EML6: variants seen among roughly 807,000 people sequenced by gnomAD.
The protein encoded by EML6 is echinoderm microtubule-associated protein-like 6.
A neutral mutation model predicts 240.1 loss-of-function variants in EML6; 154 were observed. The ratio of observed to expected loss-of-function variants is 0.64; its 90% CI spans 0.56 to 0.73. The LOEUF (loss-of-function observed/expected upper bound fraction) is 0.73. Among genes scored for constraint, EML6 ranks in the 30% least tolerant of loss-of-function variants. The pLI, the probability that EML6 is intolerant of heterozygous loss-of-function variation, is 0.00. For synonymous variants in EML6, 1,148 were observed against 899.0 expected (o/e 1.28, Z -4.95); for missense variants, 2,964 against 2,474.6 (o/e 1.20, Z -4.20).
intron 2 of EML6, among the ~76,000 whole-genome samples, chr2:54,741,604 A>G (rs943208759): frequency 2.0e-5 from 3 of 152,186 alleles, no homozygotes; most frequent in Non-Finnish European, 2.9e-5. Context: ...GAAAAAGCTG[A>G]TTCTAGGCCT....
chr2:54,824,270 C>T (rs1000094944), intron 5 of EML6, among the ~76,000 whole-genome samples: 2 of 152,080 alleles, frequency 1.3e-5, no homozygotes, highest in African/African-American at 4.8e-5. Flanking sequence ...GCTACTTATC[C>T]TGTTTAAATT....
intron 7 of EML6, among the ~76,000 whole-genome samples, chr2:54,841,558 A>T (rs55913435): frequency 2.0e-5 from 3 of 146,694 alleles, no homozygotes; most frequent in African/African-American, 7.6e-5. Context: ...TTGTCCCAGC[A>T]TCCCAGCTGG....
intron 28 of EML6, among the ~76,000 whole-genome samples, chr2:54,947,679 A>G (rs1235866304): frequency 6.6e-6 from 1 of 152,108 alleles, no homozygotes; most frequent in Non-Finnish European, 1.5e-5. Context: ...TCCCCAGCAC[A>G]CTCTAAGCAG....
chr2:54,833,935 A>G (rs903363869), intron 7 of EML6, among the ~76,000 whole-genome samples: 6 of 152,178 alleles, frequency 3.9e-5, no homozygotes, highest in Non-Finnish European at 5.9e-5. Context: ...GTGTCTTTAT[A>G]TATTTTGTTA....
Position 54,895,253 on chromosome 2 carries a change from T to A in EML6, c.2855-20T>A, listed in dbSNP as rs1672701624. ...CAGTTGTTTTTGTTATTGTGTTAAA[T>A]ATACCATCCCCTTCCCCAGGCTTGC... On this transcript the variant is annotated intron_variant, in intron 20 of 41. Transcript: ENST00000356458. The A allele has an allele frequency of 6.4e-7, 1 of 1,551,168 alleles. No individual in the cohort carries two copies. Among genetic ancestry groups the A allele is most frequent in the African/African-American group, 1.4e-5 (1 of 73,124 alleles).
intron 26 of EML6, among the ~76,000 whole-genome samples, chr2:54,926,255 C>T (rs188027396): frequency 6.6e-6 from 1 of 152,342 alleles, no homozygotes; most frequent in East Asian, 1.9e-4. Context: ...GCATCCACCA[C>T]CATGCCCAGC....
Position 54,826,146 on chromosome 2 carries a change from C to A in EML6, c.526-1420C>A, listed in dbSNP as rs556240689. On this transcript the variant is annotated intron_variant, in intron 5 of 41. Coordinates refer to ENST00000356458, the MANE Select transcript of EML6 (RefSeq NM_001039753.4). ...CAAAGATTTCAGTATTTTTTCTAAC[C>A]CCATTGAACCCTTATCTTCAGTGAG... 2.0e-5 allele frequency among the ~76,000 whole-genome samples: 3 copies of A among 152,228 alleles called. No homozygotes were observed. The South Asian group carries it at 6.2e-4, about 32-fold the overall frequency.
At chr2:54,910,914 C>A in intron 24 of EML6, 40 bp from the exon 25 acceptor site, 2 of 1,025,814 alleles carry the variant, frequency 1.9e-6, no homozygotes, top group South Asian at 1.5e-5. Flanking sequence ...GAGATAAAGT[C>A]AGATTTTAAT....
chr2:54,847,580 G>GC lies in EML6; in HGVS notation c.1147dup (p.Leu383ProfsTer31). 1 of 1,552,342 alleles carries GC rather than the reference G, an allele frequency of 6.4e-7. No individual in the cohort carries two copies. Among genetic ancestry groups the GC allele is most frequent in the Non-Finnish European group, 8.7e-7 (1 of 1,147,144 alleles). ...TTTCAGCCCCGACGGATCTCAGCTG[G>GC]CCCTGGGCATGAAGGACGGCTCTTT... is the stretch of plus-strand genomic sequence containing the variant. On this transcript the variant is annotated frameshift_variant, in exon 9 of 42. Coordinates refer to ENST00000356458, the MANE Select transcript of EML6 (RefSeq NM_001039753.4). LOFTEE classifies it high-confidence loss of function.
At chr2:54,752,854 T>A (rs979506781) in intron 2 of EML6, among the ~76,000 whole-genome samples, 22 of 152,200 alleles carry the variant, frequency 1.4e-4, no homozygotes, top group African/African-American at 4.8e-4. Context: ...AGTGGCACGA[T>A]CACGGCTTAC....
rs1044270620 is a variant in EML6 at position 54,826,728 on chromosome 2, T to A, written c.526-838T>A. On this transcript the variant is annotated intron_variant, in intron 5 of 41. Transcript: ENST00000356458. ...ATGGTCTTCTACACAATGGACACAT[T>A]TTATGCAACTAAAACTGAAAAGCCG... Among the ~76,000 whole-genome samples the A allele has an allele frequency of 2.0e-5, 3 of 152,220 alleles. No homozygotes were observed. In the South Asian group the frequency reaches 6.2e-4, roughly 31 times the overall value.
At chr2:54,836,795 C>T (rs1208599240) in intron 7 of EML6, among the ~76,000 whole-genome samples, 1 of 152,204 alleles carries the variant, frequency 6.6e-6, no homozygotes, top group Non-Finnish European at 1.5e-5. Context: ...CCCCACACTT[C>T]TGTTTTGCAC....
chr2:54,817,326 C>T (rs896963966), intron 4 of EML6, among the ~76,000 whole-genome samples: 4 of 152,200 alleles, frequency 2.6e-5, no homozygotes, highest in Non-Finnish European at 5.9e-5. Context: ...GACCTGCTTA[C>T]TCCTGTTGAA....
chr2:54,916,435 G>A (rs1673912541), intron 25 of EML6, among the ~76,000 whole-genome samples: 1 of 152,094 alleles, frequency 6.6e-6, no homozygotes, highest in Non-Finnish European at 1.5e-5. Flanking sequence ...CTGGCGTTGG[G>A]GAATCTGGAT....
chr2:54,867,565 G>C (rs560464880), intron 14 of EML6: 1 of 152,200 alleles, frequency 6.6e-6, no homozygotes, highest in Non-Finnish European at 1.5e-5. Flanking sequence ...CCAGGAGTTC[G>C]AGACATGGTG....
chr2:54,808,919 T>C (rs796858063), intron 2 of EML6, among the ~76,000 whole-genome samples: 3 of 152,250 alleles, frequency 2.0e-5, no homozygotes, highest in African/African-American at 7.2e-5. Flanking sequence ...CAGTGCTTTC[T>C]ATTGCTATGG....
chr2:54,916,762 G>A lies in EML6; in HGVS notation c.3502G>A (p.Glu1168Lys), dbSNP rs781705799. The A allele has an allele frequency of 1.8e-5, 27 of 1,485,020 alleles. No individual in the cohort carries two copies. The highest frequency in any genetic ancestry group is 7.5e-5 in the East Asian group (3 of 39,930). The allele number at this position is 1,485,020 out of a possible 1,614,324, so 92.0% of individuals were successfully genotyped here. The change falls in exon 26 of 42, where the codon GAG becomes AAG. Residue 1168 changes from glutamate (E) to lysine (K), a missense_variant. By Grantham distance (56) the Glu-to-Lys change is moderately conservative. Coordinates refer to ENST00000356458, the MANE Select transcript of EML6 (RefSeq NM_001039753.4). ...ATTCTCTTTCGTTCTTTTTCAGATC[G>A]AGAAGATAGAGTGGGACACATGGAC... is the stretch of plus-strand genomic sequence containing the variant. ...KRHIIRPSEI[E>K]KIEWDTWTCV...
intron 11 of EML6, among the ~76,000 whole-genome samples, chr2:54,857,687 C>A (rs1670460804): frequency 1.3e-5 from 2 of 152,158 alleles, no homozygotes; most frequent in South Asian, 4.1e-4. Context: ...GTTGTGGTTT[C>A]ATTTGACTTA....
chr2:54,885,421 T>C (rs1672073892), intron 17 of EML6, among the ~76,000 whole-genome samples: 1 of 151,842 alleles, frequency 6.6e-6, no homozygotes, highest in Non-Finnish European at 1.5e-5. Flanking sequence ...CATTCCAGCC[T>C]GGGCAACAAG....
Sources: allele counts gnomAD v4.1 joint callset (sites outside exome capture counted in the v4.1 genomes callset), GRCh38; gene constraint gnomAD v4.1.1; transcripts MANE v1.5; gene names NCBI Gene and HGNC (gene_info 2026-07-23, HGNC 2026-07-21).